GRM7: variants seen among roughly 807,000 people sequenced by gnomAD.
GRM7 encodes glutamate metabotropic receptor 7.
GRM7 carries 35 observed loss-of-function variants against 84.5 expected under a neutral mutation model. That is an observed-to-expected ratio of 0.41 (90% CI 0.32 to 0.55). The LOEUF (loss-of-function observed/expected upper bound fraction) is 0.55, where lower values mean the gene tolerates loss of function less well. Among genes scored for constraint, GRM7 ranks in the 20% least tolerant of loss-of-function variants. GRM7 has a pLI of 0.19. For missense variants in GRM7, 1,003 were observed against 1,194.6 expected (o/e 0.84, Z 2.36); for synonymous variants, 487 against 455.1 (o/e 1.07, Z -0.89).
intron 1 of GRM7, among the ~76,000 whole-genome samples, chr3:7,058,677 G>A (rs1384278817): frequency 6.6e-6 from 1 of 151,820 alleles, no homozygotes; most frequent in Admixed American, 6.6e-5. Context: ...TCTGCAGAAA[G>A]GGTACACTCG....
intron 4 of GRM7, among the ~76,000 whole-genome samples, chr3:7,372,263 C>T (rs746110531): frequency 6.6e-5 from 10 of 152,138 alleles, no homozygotes; most frequent in African/African-American, 9.7e-5. Flanking sequence ...GCAAAACAAT[C>T]ACGTAAAGAC....
At chr3:7,694,595 A>C (rs1700946295) in intron 9 of GRM7, 1 of 152,666 alleles carries the variant, frequency 6.6e-6, no homozygotes, top group African/African-American at 2.4e-5. Flanking sequence ...TTAAAGCCAA[A>C]ATTTCACTGT....
At chr3:7,216,198 G>A (rs1696603978) in intron 2 of GRM7, among the ~76,000 whole-genome samples, 1 of 152,124 alleles carries the variant, frequency 6.6e-6, no homozygotes, top group African/African-American at 2.4e-5. Context: ...TAATTGAACA[G>A]GTGACTTTAT....
At chr3:7,215,943 A>G (rs1543146) in intron 2 of GRM7, among the ~76,000 whole-genome samples, 66,666 of 151,956 alleles carry the variant, frequency 0.44, 16,003 homozygotes, top group African/African-American at 0.64. Context: ...CTCTCTTTGG[A>G]AAACCTTCCT....
intron 1 of GRM7, among the ~76,000 whole-genome samples, chr3:7,132,154 T>C (rs1693623055): frequency 6.6e-6 from 1 of 152,168 alleles, no homozygotes; most frequent in South Asian, 2.1e-4. Flanking sequence ...AGTGACCTTT[T>C]AGTGTTTTAT....
At chr3:6,947,840 G>C (rs1377997058) in intron 1 of GRM7, among the ~76,000 whole-genome samples, 1 of 152,136 alleles carries the variant, frequency 6.6e-6, no homozygotes, top group Admixed American at 6.6e-5. Context: ...GTTTATTTGT[G>C]TAGAGGTGTT....
At position 7,137,908 on chromosome 3, in the gene GRM7, T is replaced by A. The variant is rs1224530395; in HGVS notation, c.520-8544T>A. Among the ~76,000 whole-genome samples the A allele has an allele frequency of 2.0e-5, 3 of 152,030 alleles. No homozygotes were observed. In the South Asian group the frequency reaches 6.2e-4, roughly 31 times the overall value. On this transcript the variant is annotated intron_variant, in intron 1 of 9. Transcript: ENST00000357716. ...AGTTCATTCAAACTGAGAAATAACA[T>A]AGTAACTTGAAGACAACACATCAGA...
At chr3:7,135,270 A>G (rs1159551042) in intron 1 of GRM7, among the ~76,000 whole-genome samples, 1 of 152,206 alleles carries the variant, frequency 6.6e-6, no homozygotes, top group Non-Finnish European at 1.5e-5. Flanking sequence ...TGATGTTTCA[A>G]AGAATAAGCC....
chr3:7,203,447 TATATAG>T (rs1178080103), intron 2 of GRM7, among the ~76,000 whole-genome samples: 2 of 152,216 alleles, frequency 1.3e-5, no homozygotes, highest in African/African-American at 4.8e-5. Flanking sequence ...TGTGTGTGTA[TATATAG>T]ATATAGATAT....
chr3:7,367,070 G>C (rs1296098365), intron 4 of GRM7, among the ~76,000 whole-genome samples: 1 of 151,730 alleles, frequency 6.6e-6, no homozygotes, highest in African/African-American at 2.4e-5. Context: ...CTGAAGTTGT[G>C]CTAGTTAAGG....
chr3:7,695,421 A>AAGTC, intron 9 of GRM7, among the ~76,000 whole-genome samples: 1 of 152,262 alleles, frequency 6.6e-6, no homozygotes, highest in Non-Finnish European at 1.5e-5. Context: ...TCAGCCGAGG[A>AAGTC]AGTCTACATT....
chr3:7,568,965 G>A (rs1694494286), intron 7 of GRM7, among the ~76,000 whole-genome samples: 1 of 152,194 alleles, frequency 6.6e-6, no homozygotes, highest in Admixed American at 6.5e-5. Context: ...CCACCCAAGG[G>A]CTGAGGAGTG....
intron 1 of GRM7, among the ~76,000 whole-genome samples, chr3:6,924,948 C>T (rs927577723): frequency 3.3e-5 from 5 of 152,104 alleles, no homozygotes; most frequent in African/African-American, 1.2e-4. Flanking sequence ...TGACCCTTGA[C>T]TCTTGTTTCA....
chr3:7,718,525 T>C (rs2106517479), intron 9 of GRM7, among the ~76,000 whole-genome samples: 1 of 152,204 alleles, frequency 6.6e-6, no homozygotes, highest in South Asian at 2.1e-4. Context: ...TAATAGAATA[T>C]AGCCAAAAAA....
At chr3:7,053,364 G>T (rs761597660) in intron 1 of GRM7, among the ~76,000 whole-genome samples, 18 of 151,236 alleles carry the variant, frequency 1.2e-4, no homozygotes, top group Non-Finnish European at 2.4e-4. Context: ...GTTTTTCAAT[G>T]ATGTATGAAA....
intron 8 of GRM7, among the ~76,000 whole-genome samples, chr3:7,631,181 G>T (rs1241538094): frequency 6.6e-6 from 1 of 152,202 alleles, no homozygotes; most frequent in East Asian, 1.9e-4. Flanking sequence ...CCACCAGTGG[G>T]CAGTCAGCCA....
intron 4 of GRM7, among the ~76,000 whole-genome samples, chr3:7,405,847 T>C (rs1415112886): frequency 6.6e-6 from 1 of 152,048 alleles, no homozygotes; most frequent in African/African-American, 2.4e-5. Flanking sequence ...CATCACATCA[T>C]CTAATATCAA....
intron 1 of GRM7, among the ~76,000 whole-genome samples, chr3:6,906,813 GT>G (rs200153203): frequency 0.011 from 1,699 of 152,194 alleles, 23 homozygotes; most frequent in African/African-American, 0.039. Flanking sequence ...TGAAAAAAAA[GT>G]TTCTCTAAAT....
chr3:7,627,287 T>C (rs971867556), intron 8 of GRM7, among the ~76,000 whole-genome samples: 1 of 152,212 alleles, frequency 6.6e-6, no homozygotes, highest in African/African-American at 2.4e-5. Flanking sequence ...GCTCATGCCT[T>C]AGGTGGCAAA....
Sources: allele counts gnomAD v4.1 joint callset (sites outside exome capture counted in the v4.1 genomes callset), GRCh38; gene constraint gnomAD v4.1.1; transcripts MANE v1.5; gene names NCBI Gene and HGNC (gene_info 2026-07-23, HGNC 2026-07-21).